The following GLI3 variants were observed in gnomAD, a reference collection of about 807,000 sequenced individuals.
GLI3 encodes the protein GLI family zinc finger 3.
A neutral mutation model predicts 100.8 loss-of-function variants in GLI3; 20 were observed. The ratio of observed to expected loss-of-function variants is 0.20; its 90% CI spans 0.14 to 0.29. The LOEUF is 0.29. Among genes scored for constraint, GLI3 ranks in the 10% least tolerant of loss-of-function variants. The pLI, the probability that GLI3 is intolerant of heterozygous loss-of-function variation, is 1.00. For missense variants in GLI3, 2,040 were observed against 2,128.5 expected (o/e 0.96, Z 0.82); for synonymous variants, 938 against 860.5 (o/e 1.09, Z -1.58).
At chr7:42,049,771 G>A (rs1183203272) in intron 4 of GLI3, among the ~76,000 whole-genome samples, 1 of 152,106 alleles carries the variant, frequency 6.6e-6, no homozygotes, top group African/African-American at 2.4e-5. Context: ...CATTTGGCAT[G>A]GATAATCAGG....
chr7:42,138,313 A>C (rs1490620590), intron 3 of GLI3, among the ~76,000 whole-genome samples: 2 of 152,188 alleles, frequency 1.3e-5, no homozygotes, highest in Non-Finnish European at 2.9e-5. Context: ...CACATCATCG[A>C]TCTGTGGCAA....
chr7:42,218,528 C>A (rs541257902), intron 2 of GLI3, among the ~76,000 whole-genome samples: 2 of 151,022 alleles, frequency 1.3e-5, no homozygotes, highest in African/African-American at 4.8e-5. Flanking sequence ...AAGCAAATTG[C>A]AAGGCCAAGA....
chr7:42,205,541 G>A (rs1205124829), intron 2 of GLI3, among the ~76,000 whole-genome samples: 2 of 152,192 alleles, frequency 1.3e-5, no homozygotes, highest in Non-Finnish European at 2.9e-5. Flanking sequence ...GACTTAATAA[G>A]CATGCAGCCC....
Position 41,965,677 on chromosome 7 carries a change from G to C in GLI3, c.3396C>G (p.Pro1132=). 6.2e-7 allele frequency: 1 copy of C among 1,613,190 alleles called. No homozygotes were observed. Among genetic ancestry groups the C allele is most frequent in the Non-Finnish European group, 8.5e-7 (1 of 1,179,498 alleles). Residue 1132 remains proline, a synonymous_variant, in exon 15 of 15, where the codon CCC becomes CCG. Coordinates refer to ENST00000395925, the MANE Select transcript of GLI3 (RefSeq NM_000168.6). The part of the protein sequence containing the change: ...VPHGPGDFDA[P]GLPDSHAGQQ... ...GGCCAGCGTGGCTGTCTGGCAGCCCGGGCGCGTCAAAGTCACCGGGCCCGT... is the reference window on the plus strand; with the variant it reads ...GGCCAGCGTGGCTGTCTGGCAGCCCCGGCGCGTCAAAGTCACCGGGCCCGT...
At chr7:42,243,624 T>C (rs914324611) in intron 1 of GLI3, among the ~76,000 whole-genome samples, 2 of 152,214 alleles carry the variant, frequency 1.3e-5, no homozygotes, top group Non-Finnish European at 2.9e-5. Context: ...TGAGATGGTG[T>C]AAATAAAGGA....
At chr7:42,106,118 C>T (rs1282988733) in intron 3 of GLI3, among the ~76,000 whole-genome samples, 1 of 149,812 alleles carries the variant, frequency 6.7e-6, no homozygotes, top group East Asian at 1.9e-4. Context: ...GTTTTCTGGC[C>T]TCCATCTCCC....
intron 4 of GLI3, among the ~76,000 whole-genome samples, chr7:42,071,501 G>T (rs1237190800): frequency 2.0e-5 from 3 of 151,986 alleles, no homozygotes; most frequent in Non-Finnish European, 4.4e-5. Context: ...ACATGAACAG[G>T]CCCAATATAG....
rs1438179630 is a variant in GLI3, at chr7:42,048,590, G to A, written c.580C>T (p.His194Tyr). 1.2e-6 allele frequency: 2 copies of A among 1,611,526 alleles called. No homozygotes were observed. Among genetic ancestry groups the A allele is most frequent in the Non-Finnish European group, 1.7e-6 (2 of 1,178,702 alleles). The change falls in exon 5 of 15, where the codon CAT becomes TAT. Residue 194 changes from histidine to tyrosine, a missense_variant. By Grantham distance (83) the His-to-Tyr change is moderately conservative. Around this residue, in one of 5 missense-constraint regions of GLI3, gnomAD observed 603 missense variants for 690.9 expected, o/e 0.87. Transcript: ENST00000395925. ...AASESPFSPPHPYINPYMDYI... is the reference protein window; with the variant it reads ...AASESPFSPPYPYINPYMDYI... ...TCCATGTAGGGATTAATGTAGGGAT[G>A]TGGAGGGCTGAAGGGAGACTCGGAA...
chr7:42,106,012 T>C (rs4576336), intron 3 of GLI3, among the ~76,000 whole-genome samples: 2 of 152,004 alleles, frequency 1.3e-5, no homozygotes, highest in East Asian at 3.9e-4. Flanking sequence ...GTTTCTCTCA[T>C]CCTTTTTGCA....
chr7:42,117,209 G>A (rs1583571966), intron 3 of GLI3, among the ~76,000 whole-genome samples: 2 of 152,218 alleles, frequency 1.3e-5, no homozygotes, highest in South Asian at 2.1e-4. Flanking sequence ...ACAGGAGGGA[G>A]GAGAGAGAAG....
intron 10 of GLI3, among the ~76,000 whole-genome samples, chr7:42,014,807 T>G (rs2128727047): frequency 6.6e-6 from 1 of 152,252 alleles, no homozygotes; most frequent in African/African-American, 2.4e-5. Flanking sequence ...ATGCCTGCAA[T>G]TTCTGTAGTG....
intron 2 of GLI3, among the ~76,000 whole-genome samples, chr7:42,186,960 A>C (rs1344786129): frequency 6.6e-6 from 1 of 152,190 alleles, no homozygotes; most frequent in Non-Finnish European, 1.5e-5. Context: ...CTATAATCCC[A>C]GCACATTGGA....
At chr7:42,200,805 G>GA (rs35456550) in intron 2 of GLI3, among the ~76,000 whole-genome samples, 67,403 of 149,380 alleles carry the variant, frequency 0.45, 15,563 homozygotes, top group East Asian at 0.68. Flanking sequence ...AAACTTTTCA[G>GA]AAAAAAAAAA....
intron 1 of GLI3, among the ~76,000 whole-genome samples, chr7:42,231,394 C>A (rs139055378): frequency 4.0e-4 from 61 of 152,286 alleles, no homozygotes; most frequent in African/African-American, 1.2e-3. Context: ...GTAAAAATTA[C>A]CCCATGGTCC....
intron 10 of GLI3, among the ~76,000 whole-genome samples, chr7:41,982,773 A>C (rs1012500241): frequency 1.3e-5 from 2 of 152,134 alleles, no homozygotes; most frequent in East Asian, 3.8e-4. Flanking sequence ...CCTATATCAC[A>C]GTAGGCAGAG....
intron 4 of GLI3, among the ~76,000 whole-genome samples, chr7:42,055,935 C>T (rs545253873): frequency 1.3e-5 from 2 of 152,210 alleles, no homozygotes; most frequent in South Asian, 4.1e-4. Flanking sequence ...TTGGGGGGAA[C>T]ATGTGGGAGG....
At chr7:42,154,277 C>G (rs1291206574) in intron 2 of GLI3, among the ~76,000 whole-genome samples, 2 of 152,068 alleles carry the variant, frequency 1.3e-5, no homozygotes, top group Non-Finnish European at 2.9e-5. Flanking sequence ...AATCCTCCCC[C>G]TACCACGCGC....
intron 10 of GLI3, among the ~76,000 whole-genome samples, chr7:42,022,724 G>A (rs1232874875): frequency 6.6e-6 from 1 of 152,178 alleles, no homozygotes; most frequent in Non-Finnish European, 1.5e-5. Flanking sequence ...TCAAGAAAGT[G>A]CCAAGAACAG....
At chr7:42,001,533 T>A (rs1431239148) in intron 10 of GLI3, among the ~76,000 whole-genome samples, 4 of 152,178 alleles carry the variant, frequency 2.6e-5, no homozygotes, top group African/African-American at 9.7e-5. Flanking sequence ...TGTGCTGCAA[T>A]CCATTTTAGA....
Sources: allele counts gnomAD v4.1 joint callset (sites outside exome capture counted in the v4.1 genomes callset), GRCh38; gene constraint gnomAD v4.1.1; regional missense constraint gnomAD v4.1.1; transcripts MANE v1.5; gene names NCBI Gene and HGNC (gene_info 2026-07-23, HGNC 2026-07-21).